LMNB1: variants seen among roughly 807,000 people sequenced by gnomAD.
The protein encoded by LMNB1 is lamin B1, also known as lamin-B1.
Under a neutral mutation model 67.1 loss-of-function variants are expected in LMNB1, and 23 were observed. That is an observed-to-expected ratio of 0.34 (90% CI 0.25 to 0.49). LMNB1 has a LOEUF of 0.49. LMNB1 is among the 20% of genes least tolerant of loss of function. The pLI is 0.99. For synonymous variants in LMNB1, 281 were observed against 282.9 expected (o/e 0.99, Z 0.07); for missense variants, 634 against 746.5 (o/e 0.85, Z 1.76).
At chr5:126,820,794 G>C in intron 6 of LMNB1, 116 bp from the exon 7 acceptor site, 1 of 772,284 alleles carries the variant, frequency 1.3e-6, no homozygotes, top group Non-Finnish European at 2.1e-6. Flanking sequence ...CCAAAGTGCT[G>C]TTGGGTTACA....
At chr5:126,834,585 G>T (rs1394925869) in intron 10 of LMNB1, among the ~76,000 whole-genome samples, 1 of 152,258 alleles carries the variant, frequency 6.6e-6, no homozygotes, top group African/African-American at 2.4e-5. Flanking sequence ...CACTACAGAG[G>T]ATGTGTAAAG....
intron 3 of LMNB1, 23 bp from the exon 4 acceptor site, chr5:126,810,157 T>C (rs770574810): frequency 4.4e-6 from 7 of 1,598,878 alleles, no homozygotes; most frequent in Non-Finnish European, 6.0e-6. Context: ...AGCTTGGCTT[T>C]ATGCTTTTTG....
At chr5:126,804,645 T>C (rs1237421741) in intron 1 of LMNB1, 131 bp from the exon 2 acceptor site, 2 of 705,424 alleles carry the variant, frequency 2.8e-6, no homozygotes. Context: ...TGTGAATTGC[T>C]TCTCTAATTT....
rs1245844735 is a variant in LMNB1, at chr5:126,777,632, C to A, written c.124C>A (p.Arg42=). The change falls in exon 1 of 11, where the codon CGG becomes AGG. Residue 42 remains arginine, a synonymous_variant. Coordinates refer to ENST00000261366, the MANE Select transcript of LMNB1 (RefSeq NM_005573.4). ...GGAGGAGCTGCGCGAGCTCAATGAC[C>A]GGCTGGCGGTGTACATCGACAAGGT... The part of the protein sequence containing the change: ...EKEELRELND[R]LAVYIDKVRS... The A allele has an allele frequency of 1.8e-5, 27 of 1,542,142 alleles. No homozygotes were observed. Among genetic ancestry groups the A allele is most frequent in the Non-Finnish European group, 2.4e-5 (27 of 1,143,844 alleles).
intron 5 of LMNB1, among the ~76,000 whole-genome samples, chr5:126,818,051 C>T (rs1373696320): frequency 1.3e-5 from 2 of 151,888 alleles, no homozygotes; most frequent in Non-Finnish European, 2.9e-5. Context: ...TACAAATCAC[C>T]CTATATTGTG....
chr5:126,820,692 A>G (rs562693102), intron 6 of LMNB1, among the ~76,000 whole-genome samples: 25 of 151,856 alleles, frequency 1.6e-4, no homozygotes, highest in African/African-American at 5.6e-4. Context: ...CGCCTGGCTA[A>G]TTTTTGTATT....
At chr5:126,785,272 C>A (rs1309244898) in intron 1 of LMNB1, among the ~76,000 whole-genome samples, 1 of 151,030 alleles carries the variant, frequency 6.6e-6, no homozygotes, top group African/African-American at 2.4e-5. Context: ...AGGTGTGAGC[C>A]ACGGTGCCCT....
At chr5:126,803,347 G>A (rs1751335868) in intron 1 of LMNB1, among the ~76,000 whole-genome samples, 1 of 151,748 alleles carries the variant, frequency 6.6e-6, no homozygotes, top group Non-Finnish European at 1.5e-5. Flanking sequence ...CTGGGTTCAA[G>A]TGATTCTCCT....
intron 1 of LMNB1, among the ~76,000 whole-genome samples, chr5:126,802,353 G>C (rs1029071126): frequency 1.2e-4 from 19 of 152,162 alleles, no homozygotes; most frequent in Admixed American, 3.3e-4. Context: ...GTAAGTAAAA[G>C]TACTCTTTTA....
At chr5:126,820,839 G>T (rs199662059) in intron 6 of LMNB1, 71 bp from the exon 7 acceptor site, 115 of 1,050,374 alleles carry the variant, frequency 1.1e-4, no homozygotes, top group South Asian at 3.9e-4. Flanking sequence ...TTGTTTTTTT[G>T]TTTTTTTTTT....
chr5:126,834,609 A>G (rs116772656), intron 10 of LMNB1, among the ~76,000 whole-genome samples: 11,466 of 152,326 alleles, frequency 0.075, 460 homozygotes, highest in African/African-American at 0.089. Flanking sequence ...GTGGCCGGGC[A>G]CGGTGGCTTA....
chr5:126,793,574 A>G (rs1225572476), intron 1 of LMNB1, among the ~76,000 whole-genome samples: 1 of 152,120 alleles, frequency 6.6e-6, no homozygotes, highest in Non-Finnish European at 1.5e-5. Flanking sequence ...ACCCTTGTTA[A>G]TAGAAATTGT....
At chr5:126,782,699 G>C (rs906023242) in intron 1 of LMNB1, among the ~76,000 whole-genome samples, 75 of 151,814 alleles carry the variant, frequency 4.9e-4, no homozygotes, top group African/African-American at 1.7e-3. Context: ...ACAGGCACCC[G>C]CCACCACGCC....
chr5:126,820,300 G>C (rs907752288), intron 6 of LMNB1, among the ~76,000 whole-genome samples: 4 of 152,186 alleles, frequency 2.6e-5, no homozygotes, highest in Non-Finnish European at 5.9e-5. Context: ...GCTGTGGTGG[G>C]TGGTGGTAGA....
chr5:126,834,958 A>G (rs1334063648), intron 10 of LMNB1, among the ~76,000 whole-genome samples: 4 of 152,344 alleles, frequency 2.6e-5, no homozygotes, highest in African/African-American at 9.6e-5. Context: ...TGAAGTTGAA[A>G]GATTGGAATT....
At chr5:126,811,583 G>A in intron 4 of LMNB1, 190 bp from the exon 5 acceptor site, 1 of 429,386 alleles carries the variant, frequency 2.3e-6, no homozygotes, top group Non-Finnish European at 4.3e-6. Context: ...TCATTATTTA[G>A]GAAGTGACTC....
intron 5 of LMNB1, among the ~76,000 whole-genome samples, chr5:126,812,151 C>T (rs111497680): frequency 6.6e-6 from 1 of 152,156 alleles, no homozygotes; most frequent in East Asian, 1.9e-4. Context: ...GAGGAAGGAG[C>T]CTGCTAGTTT....
rs190884050 is a variant in LMNB1, at chr5:126,806,107, A to G, written c.642+411A>G. On this transcript the variant is annotated intron_variant, in intron 3 of 10. Transcript: ENST00000261366. ...GTAGCTGGAACTACAGGCGTGCGCC[A>G]CCACGCCCAGCTAATTTTTGTATTC... Among the ~76,000 whole-genome samples, 1,337 of 152,108 alleles carry G rather than the reference A, an allele frequency of 8.8e-3. 8 individuals are homozygous for G. Among genetic ancestry groups the G allele is most frequent in the Non-Finnish European group, 0.015 (996 of 67,982 alleles).
chr5:126,830,209 G>A (rs1432058266), intron 9 of LMNB1, among the ~76,000 whole-genome samples: 1 of 152,230 alleles, frequency 6.6e-6, no homozygotes, highest in African/African-American at 2.4e-5. Flanking sequence ...GCAGTGATGA[G>A]CAGCATCAGC....
Sources: gnomAD v4.1 joint callset for allele counts (sites outside exome capture counted in the v4.1 genomes callset) on GRCh38, gnomAD v4.1.1 for gene constraint, MANE v1.5 for transcripts, NCBI Gene and HGNC (gene_info 2026-07-23, HGNC 2026-07-21) for gene names.